NCOR1: variants seen among roughly 807,000 people sequenced by gnomAD.
NCOR1 encodes nuclear receptor corepressor 1.
Under a neutral mutation model 288.1 loss-of-function variants are expected in NCOR1, and 63 were observed. The observed-to-expected ratio is 0.22, with a 90% CI of 0.18 to 0.27. The LOEUF (loss-of-function observed/expected upper bound fraction) is 0.27. Among genes scored for constraint, NCOR1 ranks in the 10% least tolerant of loss-of-function variants. The pLI, the probability that NCOR1 is intolerant of heterozygous loss-of-function variation, is 1.00. For missense variants in NCOR1, 2,397 were observed against 3,019.2 expected (o/e 0.79, Z 4.83); for synonymous variants, 1,007 against 1,065.9 (o/e 0.94, Z 1.08).
chr17:16,176,069 A>G (rs1253524271), intron 3 of NCOR1, among the ~76,000 whole-genome samples: 3 of 151,796 alleles, frequency 2.0e-5, no homozygotes, highest in Admixed American at 2.0e-4. Context: ...ATACAAAAAA[A>G]TTAGCCAGGT....
At position 16,108,789 on chromosome 17, in the gene NCOR1, C is replaced by T. The variant is rs2069344828; in HGVS notation, c.2179G>A (p.Glu727Lys). ...TAAATTTAAAATTTTGAGATACCTT[C>T]GCTGTCTTCTGGATTTTCTTCTTCA... ...SNEEENPEDS[E>K]VEAVKPSEDS... Residue 727 changes from glutamate (E) to lysine (K), a missense_variant, in exon 19 of 46, where the codon GAA becomes AAA. Around this residue, in one of 11 missense-constraint regions of NCOR1, gnomAD observed 1,872 missense variants for 2,187.8 expected, o/e 0.86. Transcript: ENST00000268712. The T allele has an allele frequency of 6.3e-7, 1 of 1,590,876 alleles. No individual in the cohort carries two copies. The highest frequency in any genetic ancestry group is 8.5e-7 in the Non-Finnish European group (1 of 1,170,688).
At chr17:16,188,062 G>A (rs946881214) in intron 2 of NCOR1, among the ~76,000 whole-genome samples, 1 of 152,052 alleles carries the variant, frequency 6.6e-6, no homozygotes, top group East Asian at 1.9e-4. Context: ...ATCAGGTAGT[G>A]GTGATAGCTG....
chr17:16,066,036 T>C (rs2061081464), intron 32 of NCOR1, among the ~76,000 whole-genome samples: 1 of 152,178 alleles, frequency 6.6e-6, no homozygotes, highest in Non-Finnish European at 1.5e-5. Flanking sequence ...GTACTGATCA[T>C]CCAGTACAAC....
chr17:16,140,590 G>C lies in NCOR1; in HGVS notation c.1174-1404C>G, dbSNP rs373302302. Among the ~76,000 whole-genome samples, 63 of 152,294 alleles carry C rather than the reference G, an allele frequency of 4.1e-4. 1 individual carries two copies. The East Asian group carries it at 0.01, about 25-fold the overall frequency. Reference sequence around the variant, plus strand: ...GCACTTTGGGAGGCCAAGGCAGGTGGATCACCTGAGGTCAGGAGTTTGAGA... The same window carrying C: ...GCACTTTGGGAGGCCAAGGCAGGTGCATCACCTGAGGTCAGGAGTTTGAGA... On this transcript the variant is annotated intron_variant, in intron 11 of 45. Transcript: ENST00000268712.
chr17:16,165,507 C>T (rs62072481), intron 4 of NCOR1, among the ~76,000 whole-genome samples: 1 of 152,172 alleles, frequency 6.6e-6, no homozygotes, highest in Admixed American at 6.5e-5. Flanking sequence ...TTCCTTGCAA[C>T]GGCTCTTCAA....
Position 16,137,367 on chromosome 17 carries a change from C to T in NCOR1, c.1453G>A (p.Glu485Lys). 1.2e-6 allele frequency: 2 copies of T among 1,601,178 alleles called. No individual in the cohort carries two copies. Among genetic ancestry groups the T allele is most frequent in the Non-Finnish European group, 1.7e-6 (2 of 1,172,750 alleles). Reference sequence around the variant, plus strand: ...CTTCTGACGAGGGCTTTATAATTCTCATTTTTCTTGGTTAAATAGTAATAC... The same window carrying T: ...CTTCTGACGAGGGCTTTATAATTCTTATTTTTCTTGGTTAAATAGTAATAC... Reference protein sequence around the residue: ...VLYYYLTKKNENYKALVRRNY... With the variant: ...VLYYYLTKKNKNYKALVRRNY... The change falls in exon 14 of 46, where the codon GAG (glutamate) becomes AAG (lysine). Residue 485 changes from glutamate to lysine, a missense_variant. Physicochemically the swap from Glu to Lys is moderately conservative, Grantham distance 56. Coordinates refer to ENST00000268712, the MANE Select transcript of NCOR1 (RefSeq NM_006311.4).
intron 2 of NCOR1, among the ~76,000 whole-genome samples, chr17:16,189,555 C>G (rs555883793): frequency 6.6e-6 from 1 of 151,276 alleles, no homozygotes; most frequent in African/African-American, 2.5e-5. Context: ...ATAGAAACCA[C>G]AGGAAAAAAG....
rs2074196051 is a variant in NCOR1, at chr17:16,127,106, T to G, written c.1510-900A>C. 3.8e-5 allele frequency among the ~76,000 whole-genome samples: 4 copies of G among 105,186 alleles called. 1 individual carries two copies. The highest frequency in any genetic ancestry group is 9.4e-5 in the Admixed American group (1 of 10,602). 69.0% of individuals were successfully genotyped at this position (105,186 alleles called of 152,430 possible). ...AATCAAAGTTTATCATAGGTGTGTG[T>G]GTGTATATGTATATATCTGTATGTA... is the stretch of plus-strand genomic sequence containing the variant. On this transcript the variant is annotated intron_variant, in intron 14 of 45. Transcript: ENST00000268712.
intron 1 of NCOR1, among the ~76,000 whole-genome samples, chr17:16,214,320 T>C (rs2092379526): frequency 1.3e-5 from 2 of 152,218 alleles, no homozygotes; most frequent in Non-Finnish European, 2.9e-5. Context: ...TCAGCAGCTA[T>C]TGATCAAGAT....
In NCOR1 at chr17:16,202,279, T is replaced by C. The variant is rs183552619; in HGVS notation, c.-70-7640A>G. On this transcript the variant is annotated intron_variant, in intron 1 of 45. Transcript: ENST00000268712. ...AGCCAGGCGTGGTGGTGCGCACCTG[T>C]AATCCCAGCTACTCAGGAGGCTGAG... 5.3e-4 allele frequency among the ~76,000 whole-genome samples: 78 copies of C among 148,506 alleles called. 1 individual carries two copies. Among genetic ancestry groups the C allele is most frequent in the African/African-American group, 1.7e-3 (70 of 40,128 alleles).
At chr17:16,106,051 G>A (rs2068563967) in intron 19 of NCOR1, among the ~76,000 whole-genome samples, 1 of 152,052 alleles carries the variant, frequency 6.6e-6, no homozygotes. Context: ...AGTGAGCTGA[G>A]ATTGCAACAC....
chr17:16,210,162 T>C (rs945035272), intron 1 of NCOR1, among the ~76,000 whole-genome samples: 1 of 152,076 alleles, frequency 6.6e-6, no homozygotes, highest in African/African-American at 2.4e-5. Context: ...GGCGGGAGGA[T>C]CACCTGAGGT....
At chr17:16,134,685 C>T (rs187910073) in intron 14 of NCOR1, among the ~76,000 whole-genome samples, 60 of 152,286 alleles carry the variant, frequency 3.9e-4, no homozygotes, top group Non-Finnish European at 6.9e-4. Context: ...CCTGCTAGAG[C>T]TCTCTCCTCT....
At chr17:16,120,923 A>C (rs2072875007) in intron 16 of NCOR1, 129 bp downstream of exon 16, 1 of 844,734 alleles carries the variant, frequency 1.2e-6, no homozygotes, top group African/African-American at 1.7e-5. Flanking sequence ...AAGTTTAAAA[A>C]ATTTAAAGAC....
chr17:16,104,814 C>T (rs1277624780), intron 19 of NCOR1, among the ~76,000 whole-genome samples: 1 of 152,070 alleles, frequency 6.6e-6, no homozygotes, highest in East Asian at 1.9e-4. Context: ...GTGATCAGTG[C>T]AGTGACTAAA....
In NCOR1 at chr17:16,165,229, A is replaced by G. The variant is rs1322634692; in HGVS notation, c.436-68T>C. ...ATAGAGTCCAGATTGCCTTAAATGA[A>G]AAAGTCAGTTTTAAACCACAGCAGA... On this transcript the variant is annotated intron_variant, in intron 4 of 45. Transcript: ENST00000268712. 5.8e-6 allele frequency: 8 copies of G among 1,383,740 alleles called. No individual in the cohort carries two copies. In the East Asian group the frequency reaches 1.9e-4, roughly 33 times the overall value. The allele number at this position is 1,383,740 out of a possible 1,614,324, so 85.7% of individuals were successfully genotyped here.
At chr17:16,078,016 G>A (rs2062816914) in intron 26 of NCOR1, among the ~76,000 whole-genome samples, 1 of 152,148 alleles carries the variant, frequency 6.6e-6, no homozygotes, top group Non-Finnish European at 1.5e-5. Flanking sequence ...ATTCAGTTTA[G>A]GTCAGGTTAT....
At chr17:16,212,740 G>C (rs1445974939) in intron 1 of NCOR1, among the ~76,000 whole-genome samples, 1 of 152,110 alleles carries the variant, frequency 6.6e-6, no homozygotes, top group Non-Finnish European at 1.5e-5. Context: ...ACAAAGGTAA[G>C]AAAAGAAAAT....
At chr17:16,033,655 T>TTATTG (rs1172366452) in intron 45 of NCOR1, among the ~76,000 whole-genome samples, 1 of 151,980 alleles carries the variant, frequency 6.6e-6, no homozygotes, top group Admixed American at 6.6e-5. Flanking sequence ...TATCCCAGTT[T>TTATTG]TAAAAGTCTG....
Sources: allele counts gnomAD v4.1 joint callset (sites outside exome capture counted in the v4.1 genomes callset), GRCh38; gene constraint gnomAD v4.1.1; regional missense constraint gnomAD v4.1.1; transcripts MANE v1.5; gene names NCBI Gene and HGNC (gene_info 2026-07-23, HGNC 2026-07-21).